IQCM: variants seen among roughly 807,000 people sequenced by gnomAD.
IQCM encodes IQ domain-containing protein M.
A neutral mutation model predicts 57.6 loss-of-function variants in IQCM; 45 were observed. The observed-to-expected ratio is 0.78, with a 90% CI of 0.62 to 1.00. The LOEUF (loss-of-function observed/expected upper bound fraction) is 1.00, where lower values mean the gene tolerates loss of function less well. IQCM is among the 50% of genes least tolerant of loss of function. The probability of loss-of-function intolerance (pLI) is 0.00; values close to 1 mark genes in which losing one functional copy is unlikely to be tolerated. For synonymous variants in IQCM, 148 were observed against 158.9 expected, an observed-to-expected ratio of 0.93 and a Z score of 0.51; for missense variants, 468 against 511.6, an observed-to-expected ratio of 0.91 and a Z score of 0.82.
intron 13 of IQCM, among the ~76,000 whole-genome samples, chr4:149,418,169 G>GTT (rs36117835): frequency 6.7e-6 from 1 of 149,010 alleles, no homozygotes; most frequent in Non-Finnish European, 1.5e-5. Context: ...CCAGGTTATG[G>GTT]TTTTTTTTTT....
Position 149,735,357 on chromosome 4 carries a change from A to G in IQCM, c.120+19T>C, listed in dbSNP as rs1247090749. On this transcript the variant is annotated intron_variant, in intron 4 of 13. Transcript: ENST00000636793. ...CAAAAATTTTAAAATGTAACATTAG[A>G]TAAATGCAAAGGACTAACCTCATTT... 2.5e-6 allele frequency: 3 copies of G among 1,193,158 alleles called. No individual in the cohort carries two copies. The African/African-American group carries it at 4.7e-5, about 19-fold the overall frequency. The allele number at this position is 1,193,158 out of a possible 1,614,324, so 73.9% of individuals were successfully genotyped here. A position where few individuals can be genotyped will look rare whatever the true frequency, so the allele number is the denominator to read the frequency against.
rs1744152224 is a variant in IQCM, at chr4:149,509,230, T to C, written c.1228+39225A>G. Among the ~76,000 whole-genome samples, 3 of 152,144 alleles carry C rather than the reference T, an allele frequency of 2.0e-5. No homozygotes were observed. In the South Asian group the frequency reaches 6.2e-4, roughly 31 times the overall value. ...GGTATGGGAGGCAATTTGAACTGTT[T>C]GGGAGATTGAAGTTTTGATATTAGA... is the stretch of plus-strand genomic sequence containing the variant. On this transcript the variant is annotated intron_variant, in intron 12 of 13. Coordinates refer to ENST00000636793, the MANE Select transcript of IQCM (RefSeq NM_001363507.2).
chr4:149,358,768 TG>T (rs1403285274), intron 13 of IQCM, among the ~76,000 whole-genome samples: 5 of 128,254 alleles, frequency 3.9e-5, no homozygotes, highest in African/African-American at 1.4e-4. Flanking sequence ...CCAGTTTTTT[TG>T]GTTGTAGGCT....
intron 2 of IQCM, among the ~76,000 whole-genome samples, chr4:149,772,277 C>T (rs1770657317): frequency 6.6e-6 from 1 of 152,100 alleles, no homozygotes; most frequent in South Asian, 2.1e-4. Flanking sequence ...ACATAACTTA[C>T]ACATTATGGT....
chr4:149,619,362 C>T (rs1756113760), intron 8 of IQCM, among the ~76,000 whole-genome samples: 2 of 151,996 alleles, frequency 1.3e-5, no homozygotes, highest in African/African-American at 4.8e-5. Context: ...GGATGAAATG[C>T]TATCTATTGT....
At chr4:149,648,272 T>A (rs1758823676) in intron 7 of IQCM, among the ~76,000 whole-genome samples, 1 of 152,206 alleles carries the variant, frequency 6.6e-6, no homozygotes, top group South Asian at 2.1e-4. Context: ...TACTTAGCTA[T>A]TATTGACTCC....
At chr4:149,379,761 G>A (rs547075145) in intron 13 of IQCM, among the ~76,000 whole-genome samples, 1 of 152,300 alleles carries the variant, frequency 6.6e-6, no homozygotes, top group East Asian at 1.9e-4. Context: ...GGGACTGTTG[G>A]AATGGCATGA....
rs550287108 is a variant in IQCM, at chr4:149,551,700, T to G, written c.1093+1443A>C. Among the ~76,000 whole-genome samples the G allele has an allele frequency of 9.4e-5, 12 of 127,324 alleles. No individual in the cohort carries two copies. The East Asian group carries it at 2.8e-3, about 30-fold the overall frequency. 83.5% of individuals were successfully genotyped at this position (127,324 alleles called of 152,430 possible). ...ATCAGTACATTCATATTAGATTATA[T>G]AATATAAACTACTATTCATAAAAAA... On this transcript the variant is annotated intron_variant, in intron 11 of 13. Transcript: ENST00000636793.
intron 13 of IQCM, among the ~76,000 whole-genome samples, chr4:149,401,522 G>T (rs1267657155): frequency 6.6e-6 from 1 of 151,666 alleles, no homozygotes; most frequent in African/African-American, 2.4e-5. Flanking sequence ...TTGTAGTCCA[G>T]TTTTTTAATC....
intron 9 of IQCM, among the ~76,000 whole-genome samples, chr4:149,577,462 T>C (rs903953329): frequency 1.3e-5 from 2 of 152,040 alleles, no homozygotes; most frequent in African/African-American, 2.4e-5. Context: ...TAGGCAATTA[T>C]CCCAGCACCA....
chr4:149,431,946 T>C (rs980573945), intron 13 of IQCM, among the ~76,000 whole-genome samples: 6 of 151,114 alleles, frequency 4.0e-5, no homozygotes, highest in Non-Finnish European at 5.9e-5. Flanking sequence ...TATATATATA[T>C]ATATGTGTAT....
chr4:149,424,892 T>A (rs1053838554), intron 13 of IQCM, among the ~76,000 whole-genome samples: 8 of 152,036 alleles, frequency 5.3e-5, no homozygotes, highest in African/African-American at 1.7e-4. Context: ...TCTAAAAGAA[T>A]ATACTGATTA....
chr4:149,685,749 G>T (rs765721473), intron 6 of IQCM, among the ~76,000 whole-genome samples: 1 of 151,516 alleles, frequency 6.6e-6, no homozygotes. Context: ...AAGTATAAAT[G>T]TTCTTACCAA....
chr4:149,724,107 G>C (rs1765684730), intron 5 of IQCM, among the ~76,000 whole-genome samples: 1 of 151,992 alleles, frequency 6.6e-6, no homozygotes, highest in African/African-American at 2.4e-5. Flanking sequence ...AGTCTCAAAT[G>C]CTTGTATTTC....
At chr4:149,621,658 T>C (rs1756349097) in intron 7 of IQCM, among the ~76,000 whole-genome samples, 1 of 152,202 alleles carries the variant, frequency 6.6e-6, no homozygotes, top group Non-Finnish European at 1.5e-5. Context: ...CAGTATTTTA[T>C]AAGGCACAAG....
chr4:149,780,781 C>A (rs1160724070), intron 2 of IQCM, among the ~76,000 whole-genome samples: 1 of 151,936 alleles, frequency 6.6e-6, no homozygotes, highest in Admixed American at 6.6e-5. Context: ...TCACCACAAC[C>A]AGTAAATGGT....
intron 12 of IQCM, among the ~76,000 whole-genome samples, chr4:149,434,110 A>C (rs1488302963): frequency 2.0e-5 from 3 of 152,114 alleles, no homozygotes; most frequent in African/African-American, 7.2e-5. Flanking sequence ...TAACATATTT[A>C]ATTTTCATAA....
chr4:149,619,131 T>TATATATATAC (rs1491165190), intron 8 of IQCM, among the ~76,000 whole-genome samples: 1 of 142,004 alleles, frequency 7.0e-6, no homozygotes, highest in Non-Finnish European at 1.5e-5. Flanking sequence ...TATATATATA[T>TATATATATAC]ACACCATGGA....
chr4:149,600,442 AG>A (rs1182928532), intron 8 of IQCM, among the ~76,000 whole-genome samples: 5 of 152,208 alleles, frequency 3.3e-5, no homozygotes, highest in Admixed American at 3.3e-4. Context: ...TTGGGGATAC[AG>A]GCGGGAAGTT....
Sources: gnomAD v4.1 joint callset for allele counts (sites outside exome capture counted in the v4.1 genomes callset) on GRCh38, gnomAD v4.1.1 for gene constraint, MANE v1.5 for transcripts, NCBI Gene and HGNC (gene_info 2026-07-23, HGNC 2026-07-21) for gene names.